The following ENPP6 variants were observed in gnomAD, a reference collection of about 807,000 sequenced individuals.
The protein encoded by ENPP6 is glycerophosphocholine cholinephosphodiesterase ENPP6.
A neutral mutation model predicts 42.0 loss-of-function variants in ENPP6; 32 were observed. That is an observed-to-expected ratio of 0.76 (90% CI 0.58 to 1.02). The LOEUF (loss-of-function observed/expected upper bound fraction) is 1.02. Ranked by LOEUF, ENPP6 falls within the 50% of genes least tolerant of loss-of-function variation. The probability of loss-of-function intolerance (pLI) is 0.00; values close to 1 mark genes in which losing one functional copy is unlikely to be tolerated. For missense variants in ENPP6, 552 were observed against 566.8 expected (o/e 0.97, Z 0.27); for synonymous variants, 213 against 216.0 (o/e 0.99, Z 0.12).
At chr4:184,132,832 C>T (rs201281499) in intron 2 of ENPP6, among the ~76,000 whole-genome samples, 20 of 10,878 alleles carry the variant, frequency 1.8e-3, no homozygotes, top group Middle Eastern at 0.062. Context: ...CACACACACA[C>T]ACATATATAT....
chr4:184,103,206 C>T (rs1275871789), intron 6 of ENPP6, among the ~76,000 whole-genome samples: 1 of 152,238 alleles, frequency 6.6e-6, no homozygotes, highest in Non-Finnish European at 1.5e-5. Flanking sequence ...AAGGCCGGCG[C>T]CCATGGGATG....
In ENPP6 at chr4:184,094,934, C is replaced by T. The variant is rs138734299; in HGVS notation, c.1117+2311G>A. ...ACTTCTGAGGCTGCATCTGGGCAGC[C>T]GCAATGATGCCCAGCTTTCCCCCTA... On this transcript the variant is annotated intron_variant, in intron 7 of 7. Coordinates refer to ENST00000296741, the MANE Select transcript of ENPP6 (RefSeq NM_153343.4). 2.2e-3 allele frequency among the ~76,000 whole-genome samples: 329 copies of T among 152,356 alleles called. 2 individuals carry two copies. Among genetic ancestry groups the T allele is most frequent in the African/African-American group, 7.4e-3 (308 of 41,586 alleles).
At position 184,143,948 on chromosome 4, in the gene ENPP6, A is replaced by G. The variant is rs545612763; in HGVS notation, c.421+9606T>C. Among the ~76,000 whole-genome samples the G allele has an allele frequency of 1.8e-3, 275 of 152,326 alleles. 4 individuals carry two copies. The South Asian group carries it at 0.047, about 26-fold the overall frequency. On this transcript the variant is annotated intron_variant, in intron 2 of 7. Coordinates refer to ENST00000296741, the MANE Select transcript of ENPP6 (RefSeq NM_153343.4). ...CACACCAAGGGCTCAGGTGAGGCAA[A>G]AGTGCCACCTCTCTGTCCCACCACA...
intron 1 of ENPP6, among the ~76,000 whole-genome samples, chr4:184,162,588 A>AAG (rs2111085373): frequency 9.4e-6 from 1 of 106,420 alleles, no homozygotes; most frequent in African/African-American, 4.7e-5. Context: ...AGGAAGGAAG[A>AAG]GAGGGAGGGA....
At chr4:184,095,650 G>T (rs544017973) in intron 7 of ENPP6, among the ~76,000 whole-genome samples, 11 of 120,686 alleles carry the variant, frequency 9.1e-5, no homozygotes, top group Non-Finnish European at 1.2e-4. Context: ...ACAAGAAACT[G>T]TCTCAAAAAA....
intron 1 of ENPP6, among the ~76,000 whole-genome samples, chr4:184,185,421 C>T (rs773644352): frequency 6.6e-6 from 1 of 152,174 alleles, no homozygotes; most frequent in Non-Finnish European, 1.5e-5. Flanking sequence ...AAAACACAAA[C>T]CTGTGGGGAC....
At chr4:184,135,481 T>C (rs1736717155) in intron 2 of ENPP6, among the ~76,000 whole-genome samples, 1 of 152,236 alleles carries the variant, frequency 6.6e-6, no homozygotes, top group African/African-American at 2.4e-5. Flanking sequence ...GAGTCTACAT[T>C]GCCTAATGTT....
intron 1 of ENPP6, among the ~76,000 whole-genome samples, chr4:184,191,765 G>T (rs992924183): frequency 6.6e-6 from 1 of 152,200 alleles, no homozygotes; most frequent in African/African-American, 2.4e-5. Flanking sequence ...ATTCTTGTAT[G>T]CAGAAAATCC....
At chr4:184,131,605 C>T (rs538771484) in intron 2 of ENPP6, among the ~76,000 whole-genome samples, 75 of 151,306 alleles carry the variant, frequency 5.0e-4, no homozygotes, top group African/African-American at 1.8e-3. Flanking sequence ...CTCAGGTGAT[C>T]CACCTGCCTT....
intron 7 of ENPP6, among the ~76,000 whole-genome samples, chr4:184,093,931 G>C (rs969378242): frequency 6.6e-6 from 1 of 152,148 alleles, no homozygotes; most frequent in African/African-American, 2.4e-5. Flanking sequence ...GTGTGGGTGG[G>C]AGGGCATGTG....
intron 6 of ENPP6, among the ~76,000 whole-genome samples, chr4:184,106,562 A>G (rs1736101158): frequency 6.6e-6 from 1 of 151,852 alleles, no homozygotes; most frequent in African/African-American, 2.4e-5. Flanking sequence ...CCGCCTGACC[A>G]CTGAGCACTC....
At chr4:184,164,700 C>T (rs1220134979) in intron 1 of ENPP6, among the ~76,000 whole-genome samples, 3 of 152,192 alleles carry the variant, frequency 2.0e-5, no homozygotes, top group Admixed American at 6.5e-5. Context: ...TGTGGTACTT[C>T]GTTACAGCAG....
chr4:184,130,598 A>G (rs1736587802), intron 2 of ENPP6, among the ~76,000 whole-genome samples: 1 of 149,096 alleles, frequency 6.7e-6, no homozygotes, highest in African/African-American at 2.5e-5. Context: ...GGGTTTTAAA[A>G]ATGACATTGG....
At chr4:184,103,813 C>T (rs1736044190) in intron 6 of ENPP6, among the ~76,000 whole-genome samples, 1 of 152,214 alleles carries the variant, frequency 6.6e-6, no homozygotes, top group Non-Finnish European at 1.5e-5. Context: ...CTTTCTCTGT[C>T]TTTCTGAAAC....
intron 2 of ENPP6, among the ~76,000 whole-genome samples, chr4:184,148,284 C>T (rs570784449): frequency 6.6e-6 from 1 of 152,122 alleles, no homozygotes; most frequent in South Asian, 2.1e-4. Context: ...AGTGGATTTG[C>T]CATGATTTGT....
chr4:184,126,195 G>C (rs1736499995), intron 2 of ENPP6, among the ~76,000 whole-genome samples: 1 of 152,156 alleles, frequency 6.6e-6, no homozygotes, highest in Admixed American at 6.5e-5. Context: ...CAATAAATAT[G>C]TTTGTTAATG....
chr4:184,151,076 G>A (rs1257569867), intron 2 of ENPP6, among the ~76,000 whole-genome samples: 1 of 152,246 alleles, frequency 6.6e-6, no homozygotes, highest in East Asian at 1.9e-4. Flanking sequence ...AGTGGCTCAT[G>A]CCTATAATCC....
At position 184,139,462 on chromosome 4, in the gene ENPP6, C is replaced by T. The variant is rs527308213; in HGVS notation, c.421+14092G>A. Reference sequence around the variant, plus strand: ...TGCTGGTGCGCTGCACCCACTAACTCGTCATCTAGCATTAGGTATATCTCC... The same window carrying T: ...TGCTGGTGCGCTGCACCCACTAACTTGTCATCTAGCATTAGGTATATCTCC... On this transcript the variant is annotated intron_variant, in intron 2 of 7. Coordinates refer to ENST00000296741, the MANE Select transcript of ENPP6 (RefSeq NM_153343.4). Among the ~76,000 whole-genome samples, 905 of 145,444 alleles carry T rather than the reference C, an allele frequency of 6.2e-3. 8 individuals are homozygous for T. Among genetic ancestry groups the T allele is most frequent in the African/African-American group, 0.021 (812 of 39,260 alleles).
intron 6 of ENPP6, among the ~76,000 whole-genome samples, chr4:184,105,578 T>C (rs1366985042): frequency 6.6e-6 from 1 of 152,220 alleles, no homozygotes; most frequent in Non-Finnish European, 1.5e-5. Flanking sequence ...CGCCATTAAC[T>C]CAGTAAATAC....
Sources: allele counts gnomAD v4.1 joint callset (sites outside exome capture counted in the v4.1 genomes callset), GRCh38; gene constraint gnomAD v4.1.1; transcripts MANE v1.5; gene names NCBI Gene and HGNC (gene_info 2026-07-23, HGNC 2026-07-21).